MTOR: variants seen among roughly 807,000 people sequenced by gnomAD.
The protein encoded by MTOR is serine/threonine-protein kinase mTOR.
A neutral mutation model predicts 319.8 loss-of-function variants in MTOR; 70 were observed. The observed-to-expected ratio is 0.22, with a 90% CI of 0.18 to 0.27. MTOR has a LOEUF of 0.27. MTOR is among the 10% of genes least tolerant of loss of function. The probability of loss-of-function intolerance (pLI) is 1.00; values close to 1 mark genes in which losing one functional copy is unlikely to be tolerated. For synonymous variants in MTOR, 1,183 were observed against 1,211.4 expected, an observed-to-expected ratio of 0.98 and a Z score of 0.49; for missense variants, 1,890 against 3,274.4, an observed-to-expected ratio of 0.58 and a Z score of 10.32.
chr1:11,255,112 C>T (rs981892559), intron 5 of MTOR, among the ~76,000 whole-genome samples: 10 of 152,098 alleles, frequency 6.6e-5, no homozygotes, highest in Non-Finnish European at 1.5e-4. Flanking sequence ...TGGCCGGGCA[C>T]AGTGGCTCAT....
At chr1:11,253,507 T>G (rs1649969830) in intron 6 of MTOR, among the ~76,000 whole-genome samples, 1 of 152,076 alleles carries the variant, frequency 6.6e-6, no homozygotes, top group Non-Finnish European at 1.5e-5. Flanking sequence ...CATCAATGTC[T>G]CACACTCTTC....
intron 19 of MTOR, among the ~76,000 whole-genome samples, chr1:11,228,205 T>C (rs1196533716): frequency 6.6e-6 from 1 of 151,908 alleles, no homozygotes; most frequent in Non-Finnish European, 1.5e-5. Context: ...CATCTTTTTC[T>C]TGAGACAGAG....
At chr1:11,138,637 G>A (rs994723369) in intron 36 of MTOR, among the ~76,000 whole-genome samples, 2 of 152,180 alleles carry the variant, frequency 1.3e-5, no homozygotes, top group African/African-American at 4.8e-5. Context: ...GGGAGAGAAG[G>A]CTAGTGAGAC....
At chr1:11,186,842 C>T (rs1017148284) in intron 28 of MTOR, among the ~76,000 whole-genome samples, 17 of 151,964 alleles carry the variant, frequency 1.1e-4, no homozygotes, top group Non-Finnish European at 1.9e-4. Context: ...AGCTATTTTT[C>T]CTCAAAACTG....
chr1:11,153,777 A>G (rs1281631665), intron 30 of MTOR, among the ~76,000 whole-genome samples: 1 of 152,104 alleles, frequency 6.6e-6, no homozygotes, highest in Non-Finnish European at 1.5e-5. Flanking sequence ...TAATTTAAAA[A>G]TAGCCATAAG....
At chr1:11,173,404 C>T (rs1215363235) in intron 28 of MTOR, among the ~76,000 whole-genome samples, 1 of 151,976 alleles carries the variant, frequency 6.6e-6, no homozygotes, top group Non-Finnish European at 1.5e-5. Context: ...AATCCTCCCA[C>T]CTCAGCCTCT....
At chr1:11,232,906 A>G (rs1647069870) in intron 15 of MTOR, 4 of 626,506 alleles carry the variant, frequency 6.4e-6, no homozygotes, top group Admixed American at 2.5e-5. Context: ...TTTTTTTAAA[A>G]AAGCCCTCTC....
chr1:11,212,814 G>C lies in MTOR; in HGVS notation c.3380C>G (p.Ala1127Gly), dbSNP rs1164196411. ...TGCTCACTTTCGAGATGGCAGTGGA[G>C]CTTCAGGGGCATCAAACAACTTAAC... Reference protein sequence around the residue: ...PIVKLFDAPEAPLPSRKAALE... With the variant: ...PIVKLFDAPEGPLPSRKAALE... Residue 1127 changes from alanine (A) to glycine (G), a missense_variant, in exon 22 of 58, where the codon GCT (alanine) becomes GGT (glycine). By Grantham distance (60) the Ala-to-Gly change is moderately conservative. Coordinates refer to ENST00000361445, the MANE Select transcript of MTOR (RefSeq NM_004958.4). The surrounding 1 kb of genome is among the most constrained non-coding windows in gnomAD (Gnocchi z 4.1). 3 of 1,613,952 alleles carry C rather than the reference G, an allele frequency of 1.9e-6. No homozygotes were observed. Among genetic ancestry groups the C allele is most frequent in the Non-Finnish European group, 2.5e-6 (3 of 1,179,834 alleles).
chr1:11,251,674 T>TTTTTTTTTTG (rs1649710316), intron 6 of MTOR, among the ~76,000 whole-genome samples: 1 of 150,484 alleles, frequency 6.6e-6, no homozygotes, highest in African/African-American at 2.4e-5. Context: ...TTTTTTTTTT[T>TTTTTTTTTTG]AGTGACAAGG....
At chr1:11,244,580 A>G (rs1478201588) in intron 8 of MTOR, among the ~76,000 whole-genome samples, 1 of 151,258 alleles carries the variant, frequency 6.6e-6, no homozygotes, top group Non-Finnish European at 1.5e-5. Flanking sequence ...GCAGTGAGCC[A>G]AGATCGTGCC....
At chr1:11,194,750 A>T (rs1344602214) in intron 28 of MTOR, 2 of 1,598,680 alleles carry the variant, frequency 1.3e-6, no homozygotes, top group Non-Finnish European at 1.7e-6. Context: ...TGTACAGTTG[A>T]TATTCCGGTT....
intron 15 of MTOR, chr1:11,232,819 G>A (rs994491721): frequency 2.1e-5 from 10 of 487,034 alleles, no homozygotes; most frequent in African/African-American, 2.0e-4. Context: ...AGGTTGCAGT[G>A]AGCCAAGATC....
At chr1:11,183,189 T>C (rs1187336091) in intron 28 of MTOR, among the ~76,000 whole-genome samples, 1 of 152,216 alleles carries the variant, frequency 6.6e-6, no homozygotes, top group Non-Finnish European at 1.5e-5. Flanking sequence ...TTATTATGAT[T>C]TAAATTTTTA....
At chr1:11,110,545 C>T (rs758032202) in intron 54 of MTOR, among the ~76,000 whole-genome samples, 5 of 151,946 alleles carry the variant, frequency 3.3e-5, no homozygotes, top group Non-Finnish European at 5.9e-5. Context: ...TACAGGCATG[C>T]GCTACCATGC....
chr1:11,111,355 T>C (rs1414098889), intron 54 of MTOR, among the ~76,000 whole-genome samples: 4 of 151,742 alleles, frequency 2.6e-5, no homozygotes, highest in Non-Finnish European at 4.4e-5. Context: ...GTGGCATGCG[T>C]CTGTAATCCC....
At chr1:11,222,205 T>G (rs1439436343) in intron 19 of MTOR, among the ~76,000 whole-genome samples, 1 of 151,794 alleles carries the variant, frequency 6.6e-6, no homozygotes, top group East Asian at 1.9e-4. Context: ...AAAAAATTTT[T>G]TTTTTTTTTG....
intron 28 of MTOR, chr1:11,194,395 G>T: frequency 1.4e-6 from 2 of 1,464,690 alleles, no homozygotes; most frequent in Non-Finnish European, 1.9e-6. Flanking sequence ...CAGGAGAGAA[G>T]GGGTATAGAG....
intron 39 of MTOR, among the ~76,000 whole-genome samples, chr1:11,130,231 C>T (rs1007516345): frequency 2.6e-5 from 4 of 152,170 alleles, no homozygotes; most frequent in East Asian, 1.9e-4. Context: ...AGAGTGGACC[C>T]GCAGCTGTGT....
chr1:11,160,269 T>C (rs1321732619), intron 29 of MTOR, among the ~76,000 whole-genome samples: 1 of 151,956 alleles, frequency 6.6e-6, no homozygotes, highest in African/African-American at 2.4e-5. Context: ...CCAGGCTAAT[T>C]TTGTATTTTT....
Sources: gnomAD v4.1 joint callset for allele counts (sites outside exome capture counted in the v4.1 genomes callset) on GRCh38, gnomAD v4.1.1 for gene constraint, Gnocchi (gnomAD v3.1) non-coding constraint, MANE v1.5 for transcripts, NCBI Gene and HGNC (gene_info 2026-07-23, HGNC 2026-07-21) for gene names.